Variants in DSCAM observed in about 807,000 individuals in gnomAD.
DSCAM encodes the protein cell adhesion molecule DSCAM.
In DSCAM, 47 loss-of-function variants were observed where a neutral mutation model predicts 217.7. The ratio of observed to expected loss-of-function variants is 0.22; its 90% CI spans 0.17 to 0.28. DSCAM has a LOEUF of 0.28. Among genes scored for constraint, DSCAM ranks in the 10% least tolerant of loss-of-function variants. The pLI, the probability that DSCAM is intolerant of heterozygous loss-of-function variation, is 1.00. For missense variants in DSCAM, 2,080 were observed against 2,618.3 expected (o/e 0.79, Z 4.49); for synonymous variants, 1,056 against 1,015.3 (o/e 1.04, Z -0.76).
intron 20 of DSCAM, among the ~76,000 whole-genome samples, chr21:40,097,739 A>C (rs1444847871): frequency 6.6e-6 from 1 of 151,976 alleles, no homozygotes; most frequent in African/African-American, 2.4e-5. Flanking sequence ...CAGGAGATTA[A>C]GACCATCCTA....
intron 16 of DSCAM, among the ~76,000 whole-genome samples, chr21:40,166,283 G>C (rs1250505880): frequency 6.6e-6 from 1 of 152,120 alleles, no homozygotes; most frequent in Admixed American, 6.5e-5. Flanking sequence ...GAAAAAAAAC[G>C]GTGAGGAAAG....
At chr21:40,188,997 T>C (rs2090926019) in intron 12 of DSCAM, 45 bp downstream of exon 12, 1 of 1,579,178 alleles carries the variant, frequency 6.3e-7, no homozygotes, top group East Asian at 2.2e-5. Flanking sequence ...GACTTATTCT[T>C]CCAATAAAGT....
At chr21:40,398,315 A>G (rs1204766816) in intron 3 of DSCAM, among the ~76,000 whole-genome samples, 1 of 152,168 alleles carries the variant, frequency 6.6e-6, no homozygotes, top group Non-Finnish European at 1.5e-5. Flanking sequence ...ATCCTAACCT[A>G]CAGCCCGGAT....
At chr21:40,799,881 T>C (rs1292604683) in intron 1 of DSCAM, among the ~76,000 whole-genome samples, 1 of 152,142 alleles carries the variant, frequency 6.6e-6, no homozygotes, top group Non-Finnish European at 1.5e-5. Context: ...CATTTACAGG[T>C]TTTGGAGACA....
chr21:40,585,756 T>C (rs916896693), intron 3 of DSCAM, among the ~76,000 whole-genome samples: 3 of 152,196 alleles, frequency 2.0e-5, no homozygotes, highest in East Asian at 1.9e-4. Context: ...CTTGGTGGTG[T>C]TTTTGCAGTA....
At chr21:40,461,284 T>A (rs567606265) in intron 3 of DSCAM, among the ~76,000 whole-genome samples, 1 of 152,206 alleles carries the variant, frequency 6.6e-6, no homozygotes, top group South Asian at 2.1e-4. Flanking sequence ...TGTGTGACTA[T>A]AGGCAGAAAC....
chr21:40,061,967 A>G (rs2031325713), intron 28 of DSCAM, among the ~76,000 whole-genome samples: 1 of 152,158 alleles, frequency 6.6e-6, no homozygotes, highest in African/African-American at 2.4e-5. Flanking sequence ...TTCACTTTTC[A>G]TGTAATCATT....
intron 3 of DSCAM, among the ~76,000 whole-genome samples, chr21:40,557,762 A>C (rs1249625551): frequency 6.6e-6 from 1 of 152,158 alleles, no homozygotes; most frequent in Non-Finnish European, 1.5e-5. Context: ...CAGCCATCAG[A>C]ATTGTGAGCC....
chr21:40,339,510 A>G (rs1462679579), intron 6 of DSCAM, 95 bp from the exon 7 acceptor site: 2 of 1,272,714 alleles, frequency 1.6e-6, no homozygotes, highest in Non-Finnish European at 2.1e-6. Context: ...TAAATGTCGT[A>G]GTTGTTAAAC....
Position 40,221,244 on chromosome 21 carries a change from C to T in DSCAM, c.2357-32006G>A, listed in dbSNP as rs192591610. Among the ~76,000 whole-genome samples the T allele has an allele frequency of 2.0e-3, 310 of 152,060 alleles. 1 individual carries two copies. Among genetic ancestry groups the T allele is most frequent in the African/African-American group, 7.4e-3 (306 of 41,486 alleles). On this transcript the variant is annotated intron_variant, in intron 11 of 32. Transcript: ENST00000400454. ...CCCAGAACTACACTACCTGTCCCACCCATGCCACCACCACACTACCCAGCC... is the reference window on the plus strand; with the variant it reads ...CCCAGAACTACACTACCTGTCCCACTCATGCCACCACCACACTACCCAGCC...
intron 32 of DSCAM, among the ~76,000 whole-genome samples, chr21:40,017,610 G>A (rs533847047): frequency 1.3e-5 from 2 of 151,522 alleles, no homozygotes; most frequent in East Asian, 3.9e-4. Flanking sequence ...CGCCCAGGCT[G>A]GAGTGCAACT....
chr21:40,467,394 GACTT>G (rs2075853924), intron 3 of DSCAM, among the ~76,000 whole-genome samples: 1 of 152,130 alleles, frequency 6.6e-6, no homozygotes, highest in African/African-American at 2.4e-5. Flanking sequence ...AATGTTTTAT[GACTT>G]ACTTGTCTAT....
At chr21:40,044,654 A>G (rs1019447828) in intron 30 of DSCAM, among the ~76,000 whole-genome samples, 3 of 152,250 alleles carry the variant, frequency 2.0e-5, no homozygotes, top group African/African-American at 7.2e-5. Context: ...GATGAAGATT[A>G]TAAAGAAAAT....
intron 28 of DSCAM, among the ~76,000 whole-genome samples, chr21:40,056,538 T>A (rs1435818418): frequency 2.1e-5 from 3 of 140,704 alleles, no homozygotes; most frequent in African/African-American, 8.2e-5. Flanking sequence ...AGTTATAGCC[T>A]GCAGTTAAAA....
chr21:40,765,576 G>A (rs2091379885), intron 1 of DSCAM, among the ~76,000 whole-genome samples: 1 of 152,112 alleles, frequency 6.6e-6, no homozygotes, highest in African/African-American at 2.4e-5. Context: ...CATCATAGAA[G>A]CAATGGGGGA....
At chr21:40,498,781 GTATATATATA>G (rs1166919235) in intron 3 of DSCAM, among the ~76,000 whole-genome samples, 34 of 26,022 alleles carry the variant, frequency 1.3e-3, no homozygotes, top group East Asian at 0.013. Flanking sequence ...ATATGGGTGT[GTATATATATA>G]TATATATATA....
intron 3 of DSCAM, among the ~76,000 whole-genome samples, chr21:40,390,834 T>C (rs968840493): frequency 1.3e-5 from 2 of 152,224 alleles, no homozygotes; most frequent in African/African-American, 4.8e-5. Flanking sequence ...ATATCTTCAA[T>C]GACCCTATTT....
intron 1 of DSCAM, among the ~76,000 whole-genome samples, chr21:40,768,689 G>C (rs2091417826): frequency 1.3e-5 from 2 of 152,132 alleles, no homozygotes; most frequent in Admixed American, 1.3e-4. Flanking sequence ...CTGTTGTAAG[G>C]AGCACCTCTG....
chr21:40,043,062 T>A (rs1264072635), intron 31 of DSCAM, among the ~76,000 whole-genome samples: 2 of 152,238 alleles, frequency 1.3e-5, no homozygotes, highest in African/African-American at 4.8e-5. Flanking sequence ...CATGAATGAT[T>A]TGAGCTGCAG....
Sources: gnomAD v4.1 joint callset for allele counts (sites outside exome capture counted in the v4.1 genomes callset) on GRCh38, gnomAD v4.1.1 for gene constraint, MANE v1.5 for transcripts, NCBI Gene and HGNC (gene_info 2026-07-23, HGNC 2026-07-21) for gene names.